Variants in GALK2 observed in about 807,000 individuals in gnomAD.
GALK2 encodes the protein galactokinase 2.
A neutral mutation model predicts 52.4 loss-of-function variants in GALK2; 36 were observed. The observed-to-expected ratio is 0.69, with a 90% confidence interval of 0.53 to 0.91. The LOEUF is 0.91. GALK2 is among the 40% of genes least tolerant of loss of function. The pLI, the probability that GALK2 is intolerant of heterozygous loss-of-function variation, is 0.00. For missense variants in GALK2, 579 were observed against 559.1 expected (o/e 1.04, Z -0.36); for synonymous variants, 176 against 199.1 (o/e 0.88, Z 0.98).
At position 49,230,469 on chromosome 15, in the gene GALK2, G is replaced by A. The variant is rs1321186130; in HGVS notation, c.267-5382G>A. 4.6e-5 allele frequency among the ~76,000 whole-genome samples: 7 copies of A among 152,192 alleles called. No homozygotes were observed. The East Asian group carries it at 1.3e-3, about 29-fold the overall frequency. On this transcript the variant is annotated intron_variant, in intron 3 of 9. Coordinates refer to ENST00000560031, the MANE Select transcript of GALK2 (RefSeq NM_002044.4). ...TTTCCTCTCCTTCCTTGCCTTAGGT[G>A]TTCCTTGTCACTTCTTGTTGAATTC...
chr15:49,292,833 C>T (rs2034075356), intron 8 of GALK2, among the ~76,000 whole-genome samples: 3 of 151,704 alleles, frequency 2.0e-5, no homozygotes, highest in Admixed American at 6.6e-5. Context: ...GGTTATTATG[C>T]TACTTGTATA....
rs1055254 is a variant in GALK2 at position 49,328,003 on chromosome 15, C to T, written c.1221C>T (p.Cys407=). The T allele has an allele frequency of 0.23, 365,466 of 1,613,250 alleles. 42,877 individuals are homozygous for T. Among genetic ancestry groups the T allele is most frequent in the Middle Eastern group, 0.29 (1,777 of 6,056 alleles). The change falls in exon 10 of 10, where the codon TGC becomes TGT. Residue 407 remains cysteine (C), a synonymous_variant. Coordinates refer to ENST00000560031, the MANE Select transcript of GALK2 (RefSeq NM_002044.4). The stretch of plus-strand genomic sequence containing the variant: ...TTACTGGAGCAGGATGGGGAGGCTG[C>T]ACAGTATCAATGGTACCTGCGGACA... ...SRLTGAGWGG[C]TVSMVPADKL... is the part of the protein sequence containing the mutation.
At chr15:49,257,918 T>C (rs1252009821) in intron 5 of GALK2, among the ~76,000 whole-genome samples, 1 of 149,740 alleles carries the variant, frequency 6.7e-6, no homozygotes, top group African/African-American at 2.4e-5. Flanking sequence ...TAATTATAAT[T>C]GTAATAAAAT....
At position 49,242,728 on chromosome 15, in the gene GALK2, A is replaced by G. The variant is rs564914657; in HGVS notation, c.504+3361A>G. Among the ~76,000 whole-genome samples the G allele has an allele frequency of 1.5e-4, 23 of 152,364 alleles. No homozygotes were observed. In the South Asian group the frequency reaches 3.9e-3, roughly 26 times the overall value. The stretch of plus-strand genomic sequence containing the variant: ...CACCCAGAGAATCTGGAAGCCAGAA[A>G]TTATGAATCAGAATGTTACTGGTAC... On this transcript the variant is annotated intron_variant, in intron 5 of 9. Transcript: ENST00000560031.
At chr15:49,336,233 T>G (rs1318931639), downstream of GALK2, among the ~76,000 whole-genome samples, 1 of 152,260 alleles carries the variant, frequency 6.6e-6, no homozygotes, top group Non-Finnish European at 1.5e-5. Flanking sequence ...AGAAAGGTGG[T>G]AATCAGAATG....
At chr15:49,360,237 A>G (rs2043965486) in intron 3 of GALK2, among the ~76,000 whole-genome samples, 1 of 86,808 alleles carries the variant, frequency 1.2e-5, no homozygotes, top group Admixed American at 9.5e-5. Flanking sequence ...CTTATAGTAT[A>G]AGGAAAAAAA....
downstream of GALK2, chr15:49,335,398 A>T: frequency 3.3e-6 from 5 of 1,503,084 alleles, no homozygotes; most frequent in Non-Finnish European, 3.7e-6. Context: ...TATATTTAAC[A>T]ATAGTATAGC....
chr15:49,222,303 T>G (rs1374583260), intron 3 of GALK2, among the ~76,000 whole-genome samples: 1 of 152,118 alleles, frequency 6.6e-6, no homozygotes, highest in Non-Finnish European at 1.5e-5. Context: ...TTTTTTAGAG[T>G]CTAGGTTTTT....
chr15:49,357,878 G>A (rs201198452), intron 3 of GALK2, among the ~76,000 whole-genome samples: 1 of 151,584 alleles, frequency 6.6e-6, no homozygotes, highest in Non-Finnish European at 1.5e-5. Context: ...CCATCAAAAA[G>A]CTTATCCACC....
chr15:49,166,405 G>T (rs184276000), upstream of GALK2, among the ~76,000 whole-genome samples: 2 of 152,186 alleles, frequency 1.3e-5, no homozygotes, highest in East Asian at 1.9e-4. Flanking sequence ...ACACTAGAGA[G>T]CAGTATCTAT....
intron 5 of GALK2, among the ~76,000 whole-genome samples, chr15:49,255,941 G>A (rs898003773): frequency 6.6e-6 from 1 of 151,936 alleles, no homozygotes; most frequent in Non-Finnish European, 1.5e-5. Context: ...TCATTGTTTT[G>A]TTTAGGAAAC....
At chr15:49,303,710 G>T (rs1266823661) in intron 8 of GALK2, among the ~76,000 whole-genome samples, 1 of 152,074 alleles carries the variant, frequency 6.6e-6, no homozygotes, top group African/African-American at 2.4e-5. Context: ...CCTCAGCTCT[G>T]ACCACCACCT....
At chr15:49,181,667 A>G (rs2085980704) in intron 1 of GALK2, among the ~76,000 whole-genome samples, 2 of 151,676 alleles carry the variant, frequency 1.3e-5, no homozygotes, top group African/African-American at 4.8e-5. Flanking sequence ...GCCCGCCACC[A>G]TGCCTGGCTA....
rs117229040 is a variant in GALK2 at position 49,303,180 on chromosome 15, G to A, written c.967+10643G>A. ...AAAAAAAATGGGCTTACCTGATATC[G>A]CAGATAACCAGGAAATTCCACTTCC... is the stretch of plus-strand genomic sequence containing the variant. On this transcript the variant is annotated intron_variant, in intron 8 of 9. Transcript: ENST00000560031. Among the ~76,000 whole-genome samples, 317 of 152,194 alleles carry A rather than the reference G, an allele frequency of 2.1e-3. 9 individuals carry two copies. The East Asian group carries it at 0.055, about 26-fold the overall frequency.
chr15:49,364,089 G>A (rs185898097), intron 3 of GALK2, among the ~76,000 whole-genome samples: 26 of 152,096 alleles, frequency 1.7e-4, no homozygotes, highest in African/African-American at 5.8e-4. Flanking sequence ...TTTTTATTGT[G>A]TCTATGCCAG....
chr15:49,201,468 T>A (rs969093526), intron 2 of GALK2, among the ~76,000 whole-genome samples: 1 of 152,210 alleles, frequency 6.6e-6, no homozygotes, highest in African/African-American at 2.4e-5. Flanking sequence ...TGTATTAATT[T>A]GTTGAAACCA....
At chr15:49,186,061 G>A (rs1360912810) in intron 1 of GALK2, among the ~76,000 whole-genome samples, 1 of 152,064 alleles carries the variant, frequency 6.6e-6, no homozygotes, top group Non-Finnish European at 1.5e-5. Flanking sequence ...TTGGGAGTTT[G>A]ATTATTAAAT....
intron 3 of GALK2, among the ~76,000 whole-genome samples, chr15:49,218,561 A>G (rs1566948163): frequency 6.6e-6 from 1 of 152,166 alleles, no homozygotes; most frequent in Admixed American, 6.5e-5. Context: ...TTATCAAGAC[A>G]TATAGTCCCT....
intron 5 of GALK2, among the ~76,000 whole-genome samples, chr15:49,249,870 T>C (rs1171133231): frequency 3.3e-5 from 5 of 152,208 alleles, no homozygotes; most frequent in Non-Finnish European, 7.3e-5. Flanking sequence ...CTCTTCCTTA[T>C]TTGGAGGTGT....
Sources: allele counts gnomAD v4.1 joint callset (sites outside exome capture counted in the v4.1 genomes callset), GRCh38; gene constraint gnomAD v4.1.1; transcripts MANE v1.5; gene names NCBI Gene and HGNC (gene_info 2026-07-23, HGNC 2026-07-21).